VWA8: variants seen among roughly 807,000 people sequenced by gnomAD.
VWA8 encodes the protein von Willebrand factor A domain-containing protein 8.
VWA8 carries 221 observed loss-of-function variants against 241.5 expected under a neutral mutation model. The ratio of observed to expected loss-of-function variants is 0.91; its 90% CI spans 0.82 to 1.02. The LOEUF (loss-of-function observed/expected upper bound fraction) is 1.02. Among genes scored for constraint, VWA8 ranks in the 50% least tolerant of loss-of-function variants. The probability of loss-of-function intolerance (pLI) is 0.00; values close to 1 mark genes in which losing one functional copy is unlikely to be tolerated. For synonymous variants in VWA8, 852 were observed against 827.1 expected (o/e 1.03, Z -0.52); for missense variants, 2,322 against 2,328.7 (o/e 1.00, Z 0.06).
intron 19 of VWA8, among the ~76,000 whole-genome samples, chr13:41,779,035 G>A (rs1868766932): frequency 6.6e-6 from 1 of 150,426 alleles, no homozygotes; most frequent in African/African-American, 2.4e-5. Flanking sequence ...TAGAGACAGG[G>A]TTTCACCGTG....
At chr13:41,616,719 T>C (rs1350970531) in intron 37 of VWA8, among the ~76,000 whole-genome samples, 1 of 152,178 alleles carries the variant, frequency 6.6e-6, no homozygotes, top group Non-Finnish European at 1.5e-5. Context: ...GCTGTGAGCA[T>C]GTGAAATATG....
In VWA8 at chr13:41,926,790, T is replaced by TG. The variant is rs373988087; in HGVS notation, c.242-14623dup. On this transcript the variant is annotated intron_variant, in intron 2 of 44. Coordinates refer to ENST00000379310, the MANE Select transcript of VWA8 (RefSeq NM_015058.2). Reference sequence around the variant, plus strand: ...ATGGTAGAAGAACTTGAGAAAGCCCTGGGGGGTAAAGCTGCCAGAAACTAA... The same window carrying TG: ...ATGGTAGAAGAACTTGAGAAAGCCCTGGGGGGGTAAAGCTGCCAGAAACTAA... 141 of 550,324 alleles carry TG rather than the reference T, an allele frequency of 2.6e-4. No homozygotes were observed. The East Asian group carries it at 5.6e-3, about 22-fold the overall frequency. The allele number at this position is 550,324 out of a possible 1,614,324, so 34.1% of individuals were successfully genotyped here.
At chr13:41,881,846 G>A (rs1387351017) in intron 9 of VWA8, among the ~76,000 whole-genome samples, 7 of 140,304 alleles carry the variant, frequency 5.0e-5, no homozygotes, top group African/African-American at 8.5e-5. Context: ...GCGGCTGGCC[G>A]GGCGGGGGGC....
At chr13:41,901,865 CAAAAAAAAAAAAA>C (rs1167305999) in intron 4 of VWA8, among the ~76,000 whole-genome samples, 1 of 24,682 alleles carries the variant, frequency 4.1e-5, no homozygotes, top group East Asian at 1.8e-3. Flanking sequence ...GACTCCATCT[CAAAAAAAAAAAAA>C]AAAAAAAAAA....
In VWA8 at chr13:41,615,064, A is replaced by C; in HGVS notation, c.4632T>G (p.Ser1544Arg). The change falls in exon 38 of 45, where the codon AGT (serine) becomes AGG (arginine). Residue 1544 changes from serine (S) to arginine (R), a missense_variant. Physicochemically the swap from Ser to Arg is moderately radical, Grantham distance 110. Coordinates refer to ENST00000379310, the MANE Select transcript of VWA8 (RefSeq NM_015058.2). Reference sequence around the variant, plus strand: ...GTTTGGGGGAGCTTACATCTTCACCACTGTCTCTGTTGATTGTTATCTAAA... The same window carrying C: ...GTTTGGGGGAGCTTACATCTTCACCCCTGTCTCTGTTGATTGTTATCTAAA... ...RNMQITINRD[S>R]GEDVSSPKHG... 1.9e-6 allele frequency: 3 copies of C among 1,613,808 alleles called. No homozygotes were observed. Among genetic ancestry groups the C allele is most frequent in the Non-Finnish European group, 2.5e-6 (3 of 1,179,900 alleles).
chr13:41,740,415 A>G (rs1216901397), intron 21 of VWA8, among the ~76,000 whole-genome samples: 1 of 152,248 alleles, frequency 6.6e-6, no homozygotes, highest in African/African-American at 2.4e-5. Context: ...GGAAAATAGC[A>G]GCAAGGAGCT....
intron 35 of VWA8, among the ~76,000 whole-genome samples, chr13:41,675,508 CTAAGT>C (rs1221939635): frequency 6.6e-6 from 1 of 152,094 alleles, no homozygotes; most frequent in East Asian, 1.9e-4. Flanking sequence ...AGAAAACAAC[CTAAGT>C]TATTTTCATT....
intron 19 of VWA8, among the ~76,000 whole-genome samples, chr13:41,781,387 G>A (rs1191227581): frequency 1.3e-5 from 2 of 152,210 alleles, no homozygotes; most frequent in African/African-American, 4.8e-5. Context: ...AATTGGGTCT[G>A]GTTGACCAAT....
chr13:41,731,333 C>T (rs1026458835), intron 22 of VWA8, among the ~76,000 whole-genome samples: 2 of 152,028 alleles, frequency 1.3e-5, no homozygotes, highest in Admixed American at 6.6e-5. Flanking sequence ...ACTGGATCTT[C>T]CCAGCTGTCT....
chr13:41,580,259 T>C (rs1032364826), intron 42 of VWA8, among the ~76,000 whole-genome samples: 1 of 152,178 alleles, frequency 6.6e-6, no homozygotes, highest in African/African-American at 2.4e-5. Context: ...ACATCCACAA[T>C]TGAATCAATT....
intron 12 of VWA8, among the ~76,000 whole-genome samples, chr13:41,837,390 G>A (rs1871789620): frequency 6.6e-6 from 1 of 152,086 alleles, no homozygotes; most frequent in Non-Finnish European, 1.5e-5. Context: ...ATTATCAGAA[G>A]GTATTTTCAA....
chr13:41,669,837 C>A (rs1031904237), intron 37 of VWA8, among the ~76,000 whole-genome samples: 1 of 152,040 alleles, frequency 6.6e-6, no homozygotes, highest in Admixed American at 6.6e-5. Context: ...GAGTAGTAAC[C>A]AACATTCAGT....
At chr13:41,729,519 A>C (rs1457954902) in intron 23 of VWA8, 23 bp downstream of exon 23, 1 of 1,600,630 alleles carries the variant, frequency 6.2e-7, no homozygotes, top group Non-Finnish European at 8.5e-7. Flanking sequence ...ATTAAAGGAA[A>C]CATTGCTTTC....
At chr13:41,756,028 T>G (rs1308223465) in intron 21 of VWA8, among the ~76,000 whole-genome samples, 1 of 151,788 alleles carries the variant, frequency 6.6e-6, no homozygotes, top group African/African-American at 2.4e-5. Flanking sequence ...GTTTCAACAA[T>G]GCCAAAAGTT....
chr13:41,666,802 T>C (rs1017391797), intron 37 of VWA8, among the ~76,000 whole-genome samples: 2 of 152,084 alleles, frequency 1.3e-5, no homozygotes, highest in Non-Finnish European at 2.9e-5. Context: ...AGTGTTACCA[T>C]ATAGGGAAAC....
chr13:41,742,489 A>G (rs2045576298), intron 21 of VWA8, among the ~76,000 whole-genome samples: 1 of 152,338 alleles, frequency 6.6e-6, no homozygotes, highest in Middle Eastern at 3.4e-3. Flanking sequence ...TTAACCATCA[A>G]CAAAAGTTTT....
At chr13:41,738,137 C>T (rs1007742226) in intron 21 of VWA8, among the ~76,000 whole-genome samples, 9 of 152,136 alleles carry the variant, frequency 5.9e-5, no homozygotes, top group Non-Finnish European at 8.8e-5. Flanking sequence ...ATATTTTGAA[C>T]GCTTTGAGGG....
chr13:41,579,400 G>T (rs9283075), intron 42 of VWA8, among the ~76,000 whole-genome samples: 42,626 of 152,080 alleles, frequency 0.28, 7,106 homozygotes, highest in African/African-American at 0.46. Flanking sequence ...CCTTTCTTCA[G>T]ATCATGTAAG....
At chr13:41,746,251 T>C (rs1311685463) in intron 21 of VWA8, among the ~76,000 whole-genome samples, 1 of 152,244 alleles carries the variant, frequency 6.6e-6, no homozygotes, top group African/African-American at 2.4e-5. Context: ...GTAGCTGTTC[T>C]CTAGTGGCAA....
Sources: allele counts gnomAD v4.1 joint callset (sites outside exome capture counted in the v4.1 genomes callset), GRCh38; gene constraint gnomAD v4.1.1; transcripts MANE v1.5; gene names NCBI Gene and HGNC (gene_info 2026-07-23, HGNC 2026-07-21).